The following PLEKHG5 variants were observed in gnomAD, a reference collection of about 807,000 sequenced individuals.
The protein encoded by PLEKHG5 is pleckstrin homology and RhoGEF domain containing G5.
A neutral mutation model predicts 103.8 loss-of-function variants in PLEKHG5; 52 were observed. The observed-to-expected ratio is 0.50, with a 90% CI of 0.40 to 0.63. The LOEUF (loss-of-function observed/expected upper bound fraction) is 0.63, where lower values mean the gene tolerates loss of function less well. Among genes scored for constraint, PLEKHG5 ranks in the 30% least tolerant of loss-of-function variants. The pLI, the probability that PLEKHG5 is intolerant of heterozygous loss-of-function variation, is 0.00. For missense variants in PLEKHG5, 1,205 were observed against 1,347.6 expected, an observed-to-expected ratio of 0.89 and a Z score of 1.66; for synonymous variants, 592 against 575.5, an observed-to-expected ratio of 1.03 and a Z score of -0.41.
chr1:6,473,327 T>A lies in PLEKHG5; in HGVS notation c.719A>T (p.Asp240Val). 6.4e-7 allele frequency: 1 copy of A among 1,561,978 alleles called. No homozygotes were observed. The highest frequency in any genetic ancestry group is 8.7e-7 in the Non-Finnish European group (1 of 1,154,234). ...ACTGGCCGCCCGGTTCTTCCAGCTG[T>A]CGCCAGTGTTGGTGCTGCCACTGCT... ...SGSSGSTNTGDSWKNRAASRF... is the reference protein window; with the variant it reads ...SGSSGSTNTGVSWKNRAASRF... The change falls in exon 8 of 21, where the codon GAC (aspartate) becomes GTC (valine). Residue 240 changes from aspartate (D) to valine (V), a missense_variant. Asp to Val is a radical substitution (Grantham distance 152). Coordinates refer to ENST00000377728, the MANE Select transcript of PLEKHG5 (RefSeq NM_020631.6).
Position 6,490,539 on chromosome 1 carries a change from G to C in PLEKHG5, c.-88+1098C>G. On this transcript the variant is annotated intron_variant, in intron 1 of 20. Transcript: ENST00000377728. This position sits in a 1 kb window ranked among gnomAD's most constrained non-coding sequence, Gnocchi z 8.0. ...CTCATGGGGCGCGCGGGGAGAGGGGGACGGGAGCCGCGGGACGGGCTCAGT... is the reference window on the plus strand; with the variant it reads ...CTCATGGGGCGCGCGGGGAGAGGGGCACGGGAGCCGCGGGACGGGCTCAGT... The C allele has an allele frequency of 1.0e-6, 1 of 985,486 alleles. No individual in the cohort carries two copies. Among genetic ancestry groups the C allele is most frequent in the Non-Finnish European group, 1.2e-6 (1 of 829,966 alleles). 61.0% of individuals were successfully genotyped at this position (985,486 alleles called of 1,614,324 possible). A position where few individuals can be genotyped will look rare whatever the true frequency, so the allele number is the denominator to read the frequency against.
rs756675853 is a variant in PLEKHG5 at position 6,469,409 on chromosome 1, C to T, written c.1975G>A (p.Val659Ile). 1.9e-6 allele frequency: 3 copies of T among 1,614,044 alleles called. No individual in the cohort carries two copies. Among genetic ancestry groups the T allele is most frequent in the African/African-American group, 1.3e-5 (1 of 74,946 alleles). ...LIYLNEFHSA[V>I]GAYTFQASGQ... is the part of the protein sequence containing the mutation. Reference sequence around the variant, plus strand: ...CTGGCCTGGAACGTGTAGGCCCCTACAGCACTGTGAAACTCATTCAGGTAG... The same window carrying T: ...CTGGCCTGGAACGTGTAGGCCCCTATAGCACTGTGAAACTCATTCAGGTAG... Residue 659 changes from valine to isoleucine, a missense_variant, in exon 18 of 21, where the codon GTA (valine) becomes ATA (isoleucine). Val to Ile is a conservative substitution (Grantham distance 29, BLOSUM62 3). Transcript: ENST00000377728.
chr1:6,468,298 G>A lies in PLEKHG5; in HGVS notation c.2538C>T (p.Ser846=), dbSNP rs776995250. 5 of 1,609,674 alleles carry A rather than the reference G, an allele frequency of 3.1e-6. No homozygotes were observed. The part of the protein sequence containing the change: ...MAELVPRAPE[S]PRVPSPPPSP... ...AGGGTGGAGGGGAAGGAACTCGTGG[G>A]GACTCTGGGGCCCGAGGCACTAGCT... is the stretch of plus-strand genomic sequence containing the variant. Residue 846 remains serine, a synonymous_variant, in exon 20 of 21, where the codon TCC becomes TCT. Transcript: ENST00000377728.
upstream of PLEKHG5, chr1:6,497,079 G>C: frequency 1.3e-6 from 2 of 1,488,602 alleles, no homozygotes; most frequent in Non-Finnish European, 1.8e-6. This position sits in a 1 kb window ranked among gnomAD's most constrained non-coding sequence, Gnocchi z 6.1. Context: ...CTTCCTGGGG[G>C]CTGGAGTGCA....
rs768890339 is a variant in PLEKHG5 at position 6,476,037 on chromosome 1, C to A, written c.44-1G>T. On this transcript the variant is annotated splice_acceptor_variant, in intron 2 of 20. Coordinates refer to ENST00000377728, the MANE Select transcript of PLEKHG5 (RefSeq NM_020631.6). LOFTEE classifies it high-confidence loss of function. ...GACACGTTCCGGGCCAGCACAGAGC[C>A]TTGGGAGAAAGCAGGAGAGGGTTGT... 2 of 1,612,722 alleles carry A rather than the reference C, an allele frequency of 1.2e-6. No individual in the cohort carries two copies. Among genetic ancestry groups the A allele is most frequent in the African/African-American group, 2.7e-5 (2 of 74,960 alleles).
rs1385189036 is a variant in PLEKHG5 at position 6,468,346 on chromosome 1, A to G, written c.2490T>C (p.Phe830=). The change falls in exon 20 of 21, where the codon TTT becomes TTC. Residue 830 remains phenylalanine, a synonymous_variant. Coordinates refer to ENST00000377728, the MANE Select transcript of PLEKHG5 (RefSeq NM_020631.6). ...GCTCTGCCATTGGGCCTGGGGCCAC[A>G]AAGTCTTGTAAGGAGGTTGGGGAGA... is the stretch of plus-strand genomic sequence containing the variant. The part of the protein sequence containing the change: ...GTLSPTSLQD[F]VAPGPMAELV... 3.1e-6 allele frequency: 5 copies of G among 1,609,326 alleles called. No homozygotes were observed. In the South Asian group the frequency reaches 5.5e-5, roughly 18 times the overall value.
In PLEKHG5 at chr1:6,519,931, A is replaced by G. The variant is rs1434371838; in HGVS notation, c.-651T>C. On this transcript the variant is annotated 5_prime_UTR_variant, in exon 1 of 22. Coordinates refer to the PLEKHG5 transcript ENST00000377740. ...CCTTTCCAGGAAAGCAACACCACAG[A>G]GACCCCGGCCTCTGCAATCCCAGCA... 5.5e-5 allele frequency: 17 copies of G among 307,572 alleles called. No individual in the cohort carries two copies. The Admixed American group carries it at 6.2e-4, about 11-fold the overall frequency. 19.1% of individuals were successfully genotyped at this position (307,572 alleles called of 1,614,324 possible). A position where few individuals can be genotyped will look rare whatever the true frequency, so the allele number is the denominator to read the frequency against.
At chr1:6,485,286 G>T in intron 1 of PLEKHG5, 1 of 1,291,954 alleles carries the variant, frequency 7.7e-7, no homozygotes. Flanking sequence ...CGAGAACTGG[G>T]CACCCAGCCC....
chr1:6,497,174 G>A (rs1178744507), upstream of PLEKHG5: 1 of 891,622 alleles, frequency 1.1e-6, no homozygotes, highest in Non-Finnish European at 1.8e-6. This position sits in a 1 kb window ranked among gnomAD's most constrained non-coding sequence, Gnocchi z 6.1. Flanking sequence ...GCCCCGACTT[G>A]GGGGCCGAGT....
chr1:6,497,795 A>G (rs1306100342), upstream of PLEKHG5, among the ~76,000 whole-genome samples: 2 of 152,146 alleles, frequency 1.3e-5, no homozygotes, highest in African/African-American at 2.4e-5. This position sits in a 1 kb window ranked among gnomAD's most constrained non-coding sequence, Gnocchi z 6.1. Context: ...TGTCACCGGG[A>G]GAGACTCGCC....
chr1:6,482,811 C>T (rs1194216286), intron 1 of PLEKHG5, among the ~76,000 whole-genome samples: 3 of 152,312 alleles, frequency 2.0e-5, no homozygotes, highest in East Asian at 1.9e-4. Flanking sequence ...TGGGTTCAGA[C>T]AATTCTCCTG....
chr1:6,517,705 C>T (rs4243829), intron 1 of PLEKHG5, among the ~76,000 whole-genome samples: 39,913 of 152,084 alleles, frequency 0.26, 6,648 homozygotes, highest in Admixed American at 0.37. Context: ...ATAAATCTGT[C>T]GGGCCAGCCA....
rs187107798 is a variant in PLEKHG5, at chr1:6,472,560, G to A, written c.1047C>T (p.Ala349=). 6.2e-7 allele frequency: 1 copy of A among 1,613,706 alleles called. No individual in the cohort carries two copies. The highest frequency in any genetic ancestry group is 8.5e-7 in the Non-Finnish European group (1 of 1,179,812). ...EAVWELLHTE[A]SYIRKLRVII... ...TCACCCGCAGTTTCCTGATGTAGGAGGCCTCCGTGTGCAGCAGCTCCCACA... is the reference window on the plus strand; with the variant it reads ...TCACCCGCAGTTTCCTGATGTAGGAAGCCTCCGTGTGCAGCAGCTCCCACA... Residue 349 remains alanine (A), a synonymous_variant, in exon 10 of 21, where the codon GCC becomes GCT. Coordinates refer to ENST00000377728, the MANE Select transcript of PLEKHG5 (RefSeq NM_020631.6).
At chr1:6,518,297 A>G (rs1464243502) in intron 1 of PLEKHG5, among the ~76,000 whole-genome samples, 1 of 150,294 alleles carries the variant, frequency 6.7e-6, no homozygotes, top group African/African-American at 2.4e-5. Flanking sequence ...GCGGTGGCTC[A>G]CGCCTGTAAT....
intron 1 of PLEKHG5, among the ~76,000 whole-genome samples, chr1:6,514,219 G>A (rs916615470): frequency 3.3e-5 from 5 of 152,104 alleles, no homozygotes; most frequent in Admixed American, 6.6e-5. Flanking sequence ...AGCTGCTCAG[G>A]AGGCTGGGGT....
intron 20 of PLEKHG5, 82 bp from the exon 21 acceptor site, chr1:6,467,654 A>T (rs1569825342): frequency 2.0e-6 from 3 of 1,506,658 alleles, no homozygotes; most frequent in Admixed American, 1.7e-5. Context: ...TCCCCACGGC[A>T]CTCCTCAGGC....
In PLEKHG5 at chr1:6,470,640, C is replaced by T. The variant is rs1214597510; in HGVS notation, c.1546G>A (p.Gly516Ser). 1 of 1,570,788 alleles carries T rather than the reference C, an allele frequency of 6.4e-7. No homozygotes were observed. The highest frequency in any genetic ancestry group is 8.6e-7 in the Non-Finnish European group (1 of 1,163,884). ...TGGTGGATGAAGCGCTCCACGGAGC[C>T]GATCTAGGGGCAGGTGAGGGAGCTT... ...RAKEAVVAMI[G>S]SVERFIHHVN... The change falls in exon 15 of 21, where the codon GGC becomes AGC. Residue 516 changes from glycine (G) to serine (S), a missense_variant. Physicochemically the swap from Gly to Ser is moderately conservative, Grantham distance 56. Transcript: ENST00000377728.
At position 6,471,354 on chromosome 1, in the gene PLEKHG5, G is replaced by A. The variant is rs1158106148; in HGVS notation, c.1281+134C>T. 5.6e-6 allele frequency: 6 copies of A among 1,068,258 alleles called. No individual in the cohort carries two copies. In the African/African-American group the frequency reaches 9.5e-5, roughly 17 times the overall value. The allele number at this position is 1,068,258 out of a possible 1,614,324, so 66.2% of individuals were successfully genotyped here. A position where few individuals can be genotyped will look rare whatever the true frequency, so the allele number is the denominator to read the frequency against. On this transcript the variant is annotated intron_variant, in intron 12 of 20. Transcript: ENST00000377728. ...ACCGCCTCGTAATTCCTCACCCTTG[G>A]CCACAAGGGGTCAAGTGCGGTTACG...
chr1:6,510,433 A>G (rs992777816), intron 1 of PLEKHG5, among the ~76,000 whole-genome samples: 1 of 152,156 alleles, frequency 6.6e-6, no homozygotes, highest in Admixed American at 6.5e-5. Context: ...TCTACTAAAA[A>G]TACAAAAATT....
Sources: gnomAD v4.1 joint callset for allele counts (sites outside exome capture counted in the v4.1 genomes callset) on GRCh38, gnomAD v4.1.1 for gene constraint, Gnocchi (gnomAD v3.1) non-coding constraint, MANE v1.5 for transcripts, NCBI Gene and HGNC (gene_info 2026-07-23, HGNC 2026-07-21) for gene names.